BAZ2B: variants seen among roughly 807,000 people sequenced by gnomAD.
BAZ2B encodes bromodomain adjacent to zinc finger domain 2B.
BAZ2B carries 91 observed loss-of-function variants against 246.0 expected under a neutral mutation model. The observed-to-expected ratio is 0.37, with a 90% confidence interval of 0.31 to 0.44. The LOEUF is 0.44. Ranked by LOEUF, BAZ2B falls within the 20% of genes least tolerant of loss-of-function variation. The probability of loss-of-function intolerance (pLI) is 1.00; values close to 1 mark genes in which losing one functional copy is unlikely to be tolerated. For synonymous variants in BAZ2B, 855 were observed against 860.0 expected (o/e 0.99, Z 0.10); for missense variants, 2,332 against 2,533.7 (o/e 0.92, Z 1.71).
At position 159,460,233 on chromosome 2, in the gene BAZ2B, T is replaced by C. The variant is rs979617263; in HGVS notation, c.146-6432A>G. 13 of 152,164 alleles carry C rather than the reference T, an allele frequency of 8.5e-5. No individual in the cohort carries two copies. In the East Asian group the frequency reaches 2.5e-3, roughly 29 times the overall value. 9.4% of individuals were successfully genotyped at this position (152,164 alleles called of 1,614,324 possible). A position where few individuals can be genotyped will look rare whatever the true frequency, so the allele number is the denominator to read the frequency against. On this transcript the variant is annotated intron_variant, in intron 3 of 36. Coordinates refer to ENST00000392783, the MANE Select transcript of BAZ2B (RefSeq NM_013450.4). ...TAACTACAAATGCCTTTATTAATAT[T>C]AAAGAATAATTCAACAAGGTTTTCC... is the stretch of plus-strand genomic sequence containing the variant.
chr2:159,592,561 G>C (rs1021422218), intron 1 of BAZ2B, among the ~76,000 whole-genome samples: 7 of 152,126 alleles, frequency 4.6e-5, no homozygotes, highest in African/African-American at 1.7e-4. Flanking sequence ...AAGAGACTCT[G>C]TCTCTCTCTC....
Position 159,453,684 on chromosome 2 carries a change from T to G in BAZ2B, c.263A>C (p.Glu88Ala), listed in dbSNP as rs759153006. Residue 88 changes from glutamate (E) to alanine (A), a missense_variant, in exon 4 of 37, where the codon GAA (glutamate) becomes GCA (alanine). Coordinates refer to ENST00000392783, the MANE Select transcript of BAZ2B (RefSeq NM_013450.4). Reference sequence around the variant, plus strand: ...ACCAAGTGTCCCCAAACCACCAAATTCTGAATGCCCTGAGCTGGCTGAATG... The same window carrying G: ...ACCAAGTGTCCCCAAACCACCAAATGCTGAATGCCCTGAGCTGGCTGAATG... The part of the protein sequence containing the change: ...GLHSASSGHS[E>A]FGGLGTLGTP... 6.2e-7 allele frequency: 1 copy of G among 1,613,504 alleles called. No homozygotes were observed. Among genetic ancestry groups the G allele is most frequent in the South Asian group, 1.1e-5 (1 of 90,922 alleles).
At chr2:159,695,513 T>C in the BAZ2B span, 1 of 152,168 alleles carries the variant, frequency 6.6e-6, no homozygotes, top group East Asian at 1.9e-4. Flanking sequence ...ATAGTTTTAG[T>C]ACTTAAAGTT....
chr2:159,654,673 T>A, the BAZ2B span, among the ~76,000 whole-genome samples: 3 of 151,900 alleles, frequency 2.0e-5, no homozygotes, highest in Non-Finnish European at 4.4e-5. Context: ...AAAAGAAGAG[T>A]GTTTTGAAAA....
intron 2 of BAZ2B, among the ~76,000 whole-genome samples, chr2:159,488,615 T>C (rs539630033): frequency 7.9e-5 from 12 of 152,332 alleles, no homozygotes; most frequent in African/African-American, 2.9e-4. Context: ...TTTTTATACT[T>C]TTCATTGGTT....
chr2:159,327,498 C>A (rs2063887153), intron 34 of BAZ2B, among the ~76,000 whole-genome samples: 1 of 152,138 alleles, frequency 6.6e-6, no homozygotes, highest in Non-Finnish European at 1.5e-5. Context: ...TTTATTCAGT[C>A]TCTTCTCCAT....
chr2:159,336,873 A>G (rs2065764815), intron 33 of BAZ2B, 69 bp downstream of exon 33: 2 of 1,313,042 alleles, frequency 1.5e-6, no homozygotes, highest in Non-Finnish European at 2.1e-6. Flanking sequence ...TAATTAAGAA[A>G]GATCTGGAGG....
At chr2:159,567,161 T>G (rs574139665) in intron 1 of BAZ2B, among the ~76,000 whole-genome samples, 1 of 152,198 alleles carries the variant, frequency 6.6e-6, no homozygotes, top group Non-Finnish European at 1.5e-5. Context: ...GAGAATCGCT[T>G]GAACCCGGGA....
chr2:159,361,095 A>G (rs897817336), intron 27 of BAZ2B, among the ~76,000 whole-genome samples: 5 of 152,204 alleles, frequency 3.3e-5, no homozygotes, highest in African/African-American at 9.7e-5. Context: ...GCCAAAATTG[A>G]CAAATGGGAT....
At chr2:159,415,618 G>T (rs1374845307) in intron 13 of BAZ2B, among the ~76,000 whole-genome samples, 1 of 152,028 alleles carries the variant, frequency 6.6e-6, no homozygotes, top group African/African-American at 2.4e-5. Flanking sequence ...AATTCCTTCA[G>T]TATGAAGGTT....
the BAZ2B span, among the ~76,000 whole-genome samples, chr2:159,653,413 C>T: frequency 6.6e-6 from 1 of 152,134 alleles, no homozygotes; most frequent in Non-Finnish European, 1.5e-5. Context: ...GTATACCCAA[C>T]CTCACATATG....
At chr2:159,646,416 A>G in the BAZ2B span, among the ~76,000 whole-genome samples, 37,463 of 151,990 alleles carry the variant, frequency 0.25, 5,954 homozygotes, top group Admixed American at 0.43. Context: ...TTTGCAGTTA[A>G]TGCAATCATC....
At chr2:159,493,506 G>A (rs1468130004) in intron 2 of BAZ2B, among the ~76,000 whole-genome samples, 2 of 152,148 alleles carry the variant, frequency 1.3e-5, no homozygotes, top group Non-Finnish European at 2.9e-5. Flanking sequence ...TCAGAAAGAT[G>A]GATGTGCAGT....
At chr2:159,368,956 A>C (rs963355233) in intron 27 of BAZ2B, among the ~76,000 whole-genome samples, 1 of 151,984 alleles carries the variant, frequency 6.6e-6, no homozygotes, top group African/African-American at 2.4e-5. Context: ...TTAAATCTTA[A>C]AGTATTTTAA....
chr2:159,410,211 A>G (rs974289213), intron 14 of BAZ2B, among the ~76,000 whole-genome samples: 4 of 152,214 alleles, frequency 2.6e-5, no homozygotes, highest in Non-Finnish European at 4.4e-5. Flanking sequence ...AAACCCATCT[A>G]TGCCTGTTAA....
intron 2 of BAZ2B, among the ~76,000 whole-genome samples, chr2:159,495,924 C>T (rs952059565): frequency 6.6e-6 from 1 of 151,400 alleles, no homozygotes; most frequent in African/African-American, 2.4e-5. Flanking sequence ...TGCATCATCC[C>T]GCCCAGCCAA....
At chr2:159,710,435 C>T in the BAZ2B span, among the ~76,000 whole-genome samples, 1 of 152,124 alleles carries the variant, frequency 6.6e-6, no homozygotes, top group South Asian at 2.1e-4. Context: ...GTCTCGATCT[C>T]CTGACCTCGT....
At chr2:159,645,654 G>A in the BAZ2B span, among the ~76,000 whole-genome samples, 230 of 152,124 alleles carry the variant, frequency 1.5e-3, no homozygotes, top group African/African-American at 4.7e-3. Context: ...ATCTGCCCCC[G>A]ATAGTCACGT....
chr2:159,629,499 A>C, the BAZ2B span, among the ~76,000 whole-genome samples: 5 of 152,220 alleles, frequency 3.3e-5, no homozygotes, highest in African/African-American at 4.8e-5. Context: ...CGGCCATATA[A>C]AAGGATGAGT....
Sources: allele counts gnomAD v4.1 joint callset (sites outside exome capture counted in the v4.1 genomes callset), GRCh38; gene constraint gnomAD v4.1.1; transcripts MANE v1.5; gene names NCBI Gene and HGNC (gene_info 2026-07-23, HGNC 2026-07-21).